Variants in PTPRD observed in about 807,000 individuals in gnomAD.
PTPRD encodes protein tyrosine phosphatase receptor type D.
PTPRD carries 34 observed loss-of-function variants against 214.5 expected under a neutral mutation model. That is an observed-to-expected ratio of 0.16 (90% CI 0.12 to 0.21). PTPRD has a LOEUF of 0.21. PTPRD is among the 10% of genes least tolerant of loss of function. The pLI, the probability that PTPRD is intolerant of heterozygous loss-of-function variation, is 1.00. For missense variants in PTPRD, 2,545 were observed against 2,398.7 expected (o/e 1.06, Z -1.27); for synonymous variants, 1,128 against 845.7 (o/e 1.33, Z -5.79).
chr9:9,304,185 T>C (rs1241226188), intron 9 of PTPRD, among the ~76,000 whole-genome samples: 1 of 152,108 alleles, frequency 6.6e-6, no homozygotes, highest in African/African-American at 2.4e-5. Context: ...AACAATAGAT[T>C]TTATAAATTA....
At chr9:8,571,064 G>T (rs1243423222) in intron 14 of PTPRD, among the ~76,000 whole-genome samples, 1 of 151,910 alleles carries the variant, frequency 6.6e-6, no homozygotes, top group Non-Finnish European at 1.5e-5. Context: ...ACAGGTATGG[G>T]CAAAGTACTC....
intron 7 of PTPRD, among the ~76,000 whole-genome samples, chr9:9,632,298 A>G (rs1273139889): frequency 6.6e-6 from 1 of 152,164 alleles, no homozygotes; most frequent in African/African-American, 2.4e-5. Flanking sequence ...ACAAAATCAG[A>G]CAATAGGCTG....
intron 13 of PTPRD, 83 bp from the exon 14 acceptor site, chr9:8,633,541 C>T (rs916587091): frequency 2.1e-5 from 30 of 1,456,932 alleles, no homozygotes; most frequent in Non-Finnish European, 2.5e-5. Context: ...GTGGTGGATC[C>T]GCCATTAGGC....
intron 8 of PTPRD, among the ~76,000 whole-genome samples, chr9:9,521,288 G>A (rs1055188255): frequency 6.6e-6 from 1 of 152,248 alleles, no homozygotes; most frequent in Admixed American, 6.5e-5. Flanking sequence ...TTCGTGGTCT[G>A]CATTCCAGGA....
Position 9,330,274 on chromosome 9 carries a change from A to T in PTPRD, c.-203+67175T>A, listed in dbSNP as rs566208913. Among the ~76,000 whole-genome samples, 6 of 152,154 alleles carry T rather than the reference A, an allele frequency of 3.9e-5. No individual in the cohort carries two copies. The East Asian group carries it at 1.2e-3, about 29-fold the overall frequency. On this transcript the variant is annotated intron_variant, in intron 9 of 45. Coordinates refer to ENST00000381196, the MANE Select transcript of PTPRD (RefSeq NM_002839.4). The stretch of plus-strand genomic sequence containing the variant: ...ACCACTGGCTTAATGTCTGCCTTCT[A>T]TTCTCAAATGACTTTCCTTTAAAAA...
At chr9:9,759,867 T>A (rs536727076) in intron 6 of PTPRD, among the ~76,000 whole-genome samples, 10 of 152,314 alleles carry the variant, frequency 6.6e-5, no homozygotes, top group Admixed American at 5.2e-4. Flanking sequence ...AAGGTCTGTC[T>A]GAAATGATAA....
chr9:9,249,923 T>C (rs560568371), intron 9 of PTPRD, among the ~76,000 whole-genome samples: 176 of 152,080 alleles, frequency 1.2e-3, no homozygotes, highest in Non-Finnish European at 1.4e-3. Context: ...TTTGTCTTAA[T>C]GAATGGATAA....
At chr9:9,897,205 T>G (rs566564506) in intron 5 of PTPRD, among the ~76,000 whole-genome samples, 1 of 151,836 alleles carries the variant, frequency 6.6e-6, no homozygotes, top group East Asian at 1.9e-4. Context: ...TAATGCCTAA[T>G]GCCTACTTCA....
chr9:10,609,282 T>G (rs2080317019), intron 2 of PTPRD, among the ~76,000 whole-genome samples: 1 of 152,094 alleles, frequency 6.6e-6, no homozygotes, highest in Non-Finnish European at 1.5e-5. Context: ...AATCACATTT[T>G]TTTCAGAATT....
intron 10 of PTPRD, among the ~76,000 whole-genome samples, chr9:9,171,630 A>T (rs556103680): frequency 1.3e-5 from 2 of 152,016 alleles, no homozygotes; most frequent in African/African-American, 4.8e-5. Flanking sequence ...TTAGAATTCT[A>T]TGGGCGTATT....
chr9:8,963,865 C>T (rs2099171732), intron 11 of PTPRD, among the ~76,000 whole-genome samples: 2 of 152,082 alleles, frequency 1.3e-5, no homozygotes, highest in African/African-American at 2.4e-5. Flanking sequence ...CCTCCTGCCT[C>T]GGTCTTCCAA....
At chr9:9,747,706 C>T (rs2098472643) in intron 6 of PTPRD, among the ~76,000 whole-genome samples, 1 of 152,036 alleles carries the variant, frequency 6.6e-6, no homozygotes. Context: ...ACCACCACAC[C>T]TGGCTAATTT....
Position 9,492,953 on chromosome 9 carries a change from C to T in PTPRD, c.-237+81779G>A, listed in dbSNP as rs147451541. Among the ~76,000 whole-genome samples, 192 of 145,880 alleles carry T rather than the reference C, an allele frequency of 1.3e-3. 1 individual carries two copies. Among genetic ancestry groups the T allele is most frequent in the African/African-American group, 4.8e-3 (186 of 39,030 alleles). On this transcript the variant is annotated intron_variant, in intron 8 of 45. Transcript: ENST00000381196. ...CACCATGAACCCAACCCATATAAGA[C>T]GACAAACATACTAGATAAATGTATG... is the stretch of plus-strand genomic sequence containing the variant.
At chr9:8,496,171 AACACACACACACACAC>A (rs566859758) in intron 26 of PTPRD, among the ~76,000 whole-genome samples, 118 of 135,098 alleles carry the variant, frequency 8.7e-4, no homozygotes, top group Non-Finnish European at 1.6e-3. Context: ...CCAACTCTCC[AACACACACACACACAC>A]ACACACACAC....
chr9:8,423,875 C>T (rs961589807), intron 35 of PTPRD, among the ~76,000 whole-genome samples: 7 of 152,062 alleles, frequency 4.6e-5, no homozygotes, highest in African/African-American at 1.7e-4. Flanking sequence ...CAAAGGCAGT[C>T]ACTATAATAT....
intron 11 of PTPRD, among the ~76,000 whole-genome samples, chr9:8,802,069 T>A (rs182233331): frequency 3.3e-5 from 5 of 152,032 alleles, no homozygotes; most frequent in African/African-American, 9.6e-5. Flanking sequence ...ATAACTGGAG[T>A]CAGACTGTAT....
At chr9:9,719,449 G>A (rs1390127048) in intron 7 of PTPRD, among the ~76,000 whole-genome samples, 5 of 152,240 alleles carry the variant, frequency 3.3e-5, no homozygotes, top group Non-Finnish European at 5.9e-5. Context: ...CCTTCTGGGG[G>A]CTCAGACCTC....
intron 9 of PTPRD, among the ~76,000 whole-genome samples, chr9:9,344,745 T>A (rs1031895424): frequency 1.3e-5 from 2 of 152,144 alleles, no homozygotes; most frequent in Admixed American, 1.3e-4. Flanking sequence ...GTTACCTGAA[T>A]ATATTTAATA....
At chr9:9,062,852 C>A (rs568465955) in intron 10 of PTPRD, among the ~76,000 whole-genome samples, 6 of 152,096 alleles carry the variant, frequency 3.9e-5, no homozygotes, top group African/African-American at 1.2e-4. Context: ...CCAGGCAGCT[C>A]GTAAACTTCA....
Sources: allele counts gnomAD v4.1 joint callset (sites outside exome capture counted in the v4.1 genomes callset), GRCh38; gene constraint gnomAD v4.1.1; transcripts MANE v1.5; gene names NCBI Gene and HGNC (gene_info 2026-07-23, HGNC 2026-07-21).